SPATA6: variants seen among roughly 807,000 people sequenced by gnomAD.
The protein encoded by SPATA6 is spermatogenesis associated 6.
Under a neutral mutation model 65.3 loss-of-function variants are expected in SPATA6, and 56 were observed. The ratio of observed to expected loss-of-function variants is 0.86; its 90% CI spans 0.69 to 1.07. SPATA6 has a LOEUF of 1.07. SPATA6 is among the 50% of genes least tolerant of loss of function. SPATA6 has a pLI of 0.00. For missense variants in SPATA6, 590 were observed against 594.8 expected (o/e 0.99, Z 0.08); for synonymous variants, 199 against 213.2 (o/e 0.93, Z 0.58).
chr1:48,436,151 T>G (rs1409753509), intron 3 of SPATA6: 4 of 1,610,150 alleles, frequency 2.5e-6, no homozygotes, highest in Non-Finnish European at 3.4e-6. Context: ...GAGCTCCAAG[T>G]AGAAACAGGA....
At chr1:48,265,329 C>A in the SPATA6 span, among the ~76,000 whole-genome samples, 1 of 149,876 alleles carries the variant, frequency 6.7e-6, no homozygotes, top group Non-Finnish European at 1.5e-5. Context: ...TCATTATAAG[C>A]AAATATCAAT....
rs532549998 is a variant in SPATA6, at chr1:48,394,215, T to C, written c.868+1052A>G. Among the ~76,000 whole-genome samples, 4 of 152,270 alleles carry C rather than the reference T, an allele frequency of 2.6e-5. No homozygotes were observed. The South Asian group carries it at 8.3e-4, about 32-fold the overall frequency. On this transcript the variant is annotated intron_variant, in intron 8 of 12. Transcript: ENST00000371847. ...GAAAACAACTCATTATTGATCTCTC[T>C]GATTATACCTCTACATAGGCAACTG...
At chr1:48,398,252 AT>A (rs1398504767) in intron 7 of SPATA6, among the ~76,000 whole-genome samples, 1 of 151,666 alleles carries the variant, frequency 6.6e-6, no homozygotes, top group East Asian at 1.9e-4. Flanking sequence ...CCATTATACT[AT>A]AAATTTTCTT....
chr1:48,270,186 A>AT, the SPATA6 span, among the ~76,000 whole-genome samples: 1 of 152,100 alleles, frequency 6.6e-6, no homozygotes, highest in Non-Finnish European at 1.5e-5. Context: ...TATCCCATAC[A>AT]TAACTCCGGT....
intron 9 of SPATA6, among the ~76,000 whole-genome samples, chr1:48,376,663 T>C (rs78003515): frequency 0.025 from 3,748 of 152,216 alleles, 98 homozygotes; most frequent in African/African-American, 0.067. Flanking sequence ...CATTGTTAAG[T>C]ATGCATTGCT....
Position 48,298,237 on chromosome 1 carries a change from AG to A in SPATA6, c.*475del, listed in dbSNP as rs939505449. On this transcript the variant is annotated 3_prime_UTR_variant, in exon 13 of 13. Transcript: ENST00000371847. ...AAAAGTAGAAAATGTTAGTGAAAAC[AG>A]GGTTTAAACCCTTAGGAAATTCATT... The A allele has an allele frequency of 2.6e-5, 4 of 152,424 alleles. No individual in the cohort carries two copies. Among genetic ancestry groups the A allele is most frequent in the African/African-American group, 9.6e-5 (4 of 41,596 alleles). 9.4% of individuals were successfully genotyped at this position (152,424 alleles called of 1,614,324 possible). A position where few individuals can be genotyped will look rare whatever the true frequency, so the allele number is the denominator to read the frequency against.
At chr1:48,368,757 G>A (rs531463035) in intron 9 of SPATA6, among the ~76,000 whole-genome samples, 15 of 152,224 alleles carry the variant, frequency 9.9e-5, no homozygotes, top group African/African-American at 3.4e-4. Flanking sequence ...CCTGTAGCTC[G>A]GAGTAGTTTG....
intron 11 of SPATA6, chr1:48,344,311 T>C (rs1366985263): frequency 6.6e-6 from 1 of 151,960 alleles, no homozygotes; most frequent in African/African-American, 2.4e-5. Flanking sequence ...GCATTCTATA[T>C]TTTTCAGACA....
In SPATA6 at chr1:48,445,246, A is replaced by G. The variant is rs896511604; in HGVS notation, c.238+6306T>C. 1.4e-4 allele frequency among the ~76,000 whole-genome samples: 22 copies of G among 152,122 alleles called. 1 individual carries two copies. The highest frequency in any genetic ancestry group is 4.6e-4 in the African/African-American group (19 of 41,432). ...GGTTATTTCTGTCATTTCTGCTATC[A>G]TTCTGTGTTTAAATTTAAAGGCTCA... On this transcript the variant is annotated intron_variant, in intron 3 of 12. Transcript: ENST00000371847.
intron 11 of SPATA6, among the ~76,000 whole-genome samples, chr1:48,320,822 A>G (rs962877823): frequency 1.3e-5 from 2 of 152,222 alleles, no homozygotes; most frequent in African/African-American, 4.8e-5. Flanking sequence ...AGACATAGAC[A>G]GTAAAGTAAG....
intron 3 of SPATA6, chr1:48,436,491 G>T: frequency 6.2e-7 from 1 of 1,609,980 alleles, no homozygotes; most frequent in East Asian, 2.2e-5. Flanking sequence ...TGAACTATCT[G>T]TACCAAAATG....
rs924825444 is a variant in SPATA6, at chr1:48,472,184, G to T, written c.-176C>A. The T allele has an allele frequency of 3.1e-5, 17 of 546,468 alleles. No individual in the cohort carries two copies. Among genetic ancestry groups the T allele is most frequent in the South Asian group, 2.0e-4 (8 of 40,970 alleles). 33.9% of individuals were successfully genotyped at this position (546,468 alleles called of 1,614,324 possible). A position where few individuals can be genotyped will look rare whatever the true frequency, so the allele number is the denominator to read the frequency against. ...TTCCGCCGGAGAAGCAGCTGAGCGCGGGGCGCAGACTCGTTGTCATGGCAG... is the reference window on the plus strand; with the variant it reads ...TTCCGCCGGAGAAGCAGCTGAGCGCTGGGCGCAGACTCGTTGTCATGGCAG... On this transcript the variant is annotated 5_prime_UTR_variant, in exon 1 of 13. Transcript: ENST00000371847.
At chr1:48,404,258 T>C (rs1651469007) in intron 5 of SPATA6, among the ~76,000 whole-genome samples, 2 of 144,482 alleles carry the variant, frequency 1.4e-5, no homozygotes, top group South Asian at 4.1e-4. Context: ...TTTAACCATA[T>C]AGTCAAGAAA....
At position 48,349,144 on chromosome 1, in the gene SPATA6, A is replaced by C. The variant is rs949791310; in HGVS notation, c.1194+6526T>G. Among the ~76,000 whole-genome samples, 6 of 152,050 alleles carry C rather than the reference A, an allele frequency of 3.9e-5. No individual in the cohort carries two copies. In the South Asian group the frequency reaches 1.2e-3, roughly 31 times the overall value. On this transcript the variant is annotated intron_variant, in intron 11 of 12. Coordinates refer to ENST00000371847, the MANE Select transcript of SPATA6 (RefSeq NM_019073.4). ...TTCATGTGAAAATTACATGAAATTT[A>C]CATTTTAGTGCACAATGATAAAATT...
intron 11 of SPATA6, among the ~76,000 whole-genome samples, chr1:48,309,629 C>T (rs905610044): frequency 1.3e-5 from 2 of 151,994 alleles, no homozygotes; most frequent in Admixed American, 1.3e-4. Flanking sequence ...TTAGTGAGTC[C>T]AATGTGTAAG....
At chr1:48,471,829 G>T in intron 1 of SPATA6, 129 bp downstream of exon 1, 1 of 1,099,404 alleles carries the variant, frequency 9.1e-7, no homozygotes, top group Non-Finnish European at 1.3e-6. Context: ...CCGAAGGGGC[G>T]TGAGGTCGAC....
chr1:48,281,537 A>G, the SPATA6 span, among the ~76,000 whole-genome samples: 1 of 152,160 alleles, frequency 6.6e-6, no homozygotes, highest in African/African-American at 2.4e-5. Flanking sequence ...TTATACACCA[A>G]TAACAGACAA....
chr1:48,405,179 T>C (rs1651581902), intron 5 of SPATA6, among the ~76,000 whole-genome samples: 1 of 152,192 alleles, frequency 6.6e-6, no homozygotes, highest in Non-Finnish European at 1.5e-5. Flanking sequence ...CACATTCTAT[T>C]CATTAGCATC....
intron 8 of SPATA6, among the ~76,000 whole-genome samples, chr1:48,394,087 T>G (rs1487375204): frequency 6.6e-6 from 1 of 152,114 alleles, no homozygotes; most frequent in Non-Finnish European, 1.5e-5. Flanking sequence ...AAGCAAATAT[T>G]ATTGTTATGG....
Sources: allele counts gnomAD v4.1 joint callset (sites outside exome capture counted in the v4.1 genomes callset), GRCh38; gene constraint gnomAD v4.1.1; transcripts MANE v1.5; gene names NCBI Gene and HGNC (gene_info 2026-07-23, HGNC 2026-07-21).